Variants in KCNQ3 observed in about 807,000 individuals in gnomAD.
KCNQ3 encodes the protein potassium voltage-gated channel subfamily Q member 3.
A neutral mutation model predicts 92.5 loss-of-function variants in KCNQ3; 30 were observed. That is an observed-to-expected ratio of 0.32 (90% CI 0.24 to 0.44). The LOEUF is 0.44. Among genes scored for constraint, KCNQ3 ranks in the 20% least tolerant of loss-of-function variants. The pLI is 1.00. For synonymous variants in KCNQ3, 450 were observed against 468.8 expected (o/e 0.96, Z 0.52); for missense variants, 913 against 1,140.3 (o/e 0.80, Z 2.87).
chr8:132,129,412 C>T lies in KCNQ3; in HGVS notation c.2469G>A (p.Gly823=). ...ACCGCTTCTCCCTCATCCAGCTCGACCCCCCATTGGGGCCGAACACATAAT... is the reference window on the plus strand; with the variant it reads ...ACCGCTTCTCCCTCATCCAGCTCGATCCCCCATTGGGGCCGAACACATAAT... The part of the protein sequence containing the change: ...RDDYVFGPNG[G]SSWMREKRYL... Residue 823 remains glycine (G), a synonymous_variant, in exon 15 of 15, where the codon GGG becomes GGA. Coordinates refer to ENST00000388996, the MANE Select transcript of KCNQ3 (RefSeq NM_004519.4). The surrounding 1 kb of genome is among the most constrained non-coding windows in gnomAD (Gnocchi z 5.9). 2 of 1,614,180 alleles carry T rather than the reference C, an allele frequency of 1.2e-6. No homozygotes were observed. The highest frequency in any genetic ancestry group is 1.1e-5 in the South Asian group (1 of 91,086).
intron 1 of KCNQ3, among the ~76,000 whole-genome samples, chr8:132,433,553 C>T (rs2130827117): frequency 6.6e-6 from 1 of 152,276 alleles, no homozygotes; most frequent in East Asian, 1.9e-4. Flanking sequence ...TGAGAGTGTA[C>T]TGAATTGATG....
chr8:132,367,468 G>A (rs540667414), intron 1 of KCNQ3, among the ~76,000 whole-genome samples: 7 of 152,238 alleles, frequency 4.6e-5, no homozygotes, highest in Admixed American at 1.3e-4. Flanking sequence ...AATAAGAGGC[G>A]GGCTTTGCTT....
chr8:132,410,777 A>G (rs750410221), intron 1 of KCNQ3, among the ~76,000 whole-genome samples: 2 of 152,182 alleles, frequency 1.3e-5, no homozygotes, highest in Non-Finnish European at 2.9e-5. Context: ...TTACACGATA[A>G]CTCTGGAGAG....
At chr8:132,347,642 A>G (rs1244441839) in intron 1 of KCNQ3, among the ~76,000 whole-genome samples, 3 of 152,230 alleles carry the variant, frequency 2.0e-5, no homozygotes, top group African/African-American at 7.2e-5. Flanking sequence ...ACTACTCTTT[A>G]AACTGAGATA....
intron 1 of KCNQ3, among the ~76,000 whole-genome samples, chr8:132,402,322 C>A (rs1432551885): frequency 6.6e-6 from 1 of 152,180 alleles, no homozygotes; most frequent in East Asian, 1.9e-4. Context: ...TGTCTGGTGG[C>A]AAAGAACTTG....
At chr8:132,178,441 A>G (rs1826640887) in intron 4 of KCNQ3, among the ~76,000 whole-genome samples, 1 of 152,216 alleles carries the variant, frequency 6.6e-6, no homozygotes, top group African/African-American at 2.4e-5. Context: ...TATGTGAGGA[A>G]CAGCATATTC....
intron 1 of KCNQ3, among the ~76,000 whole-genome samples, chr8:132,291,723 G>C (rs1224272897): frequency 6.6e-6 from 1 of 152,132 alleles, no homozygotes; most frequent in Non-Finnish European, 1.5e-5. Flanking sequence ...TGAGACCCCA[G>C]AGCCAAGGCC....
chr8:132,285,787 A>G (rs1232819408), intron 1 of KCNQ3, among the ~76,000 whole-genome samples: 1 of 152,210 alleles, frequency 6.6e-6, no homozygotes, highest in Non-Finnish European at 1.5e-5. Context: ...TCACATGCCC[A>G]GAAGCCTAAG....
intron 1 of KCNQ3, among the ~76,000 whole-genome samples, chr8:132,262,135 T>A (rs904325844): frequency 6.6e-6 from 1 of 152,204 alleles, no homozygotes; most frequent in Admixed American, 6.5e-5. Context: ...TATTGTACCA[T>A]ATGATATGAT....
chr8:132,138,114 C>T, intron 11 of KCNQ3, 98 bp from the exon 12 acceptor site: 1 of 1,421,994 alleles, frequency 7.0e-7, no homozygotes, highest in Non-Finnish European at 9.8e-7. Flanking sequence ...GAGAAAAGAA[C>T]CAAAGATAAA....
chr8:132,441,554 C>CA (rs1008250578), intron 1 of KCNQ3, among the ~76,000 whole-genome samples: 1 of 148,950 alleles, frequency 6.7e-6, no homozygotes, highest in Non-Finnish European at 1.5e-5. Context: ...ACTCTGGCTC[C>CA]AAAAAAACAA....
chr8:132,218,999 T>C (rs993035198), intron 1 of KCNQ3, among the ~76,000 whole-genome samples: 2 of 152,158 alleles, frequency 1.3e-5, no homozygotes, highest in Admixed American at 1.3e-4. Flanking sequence ...ACTCTACTCA[T>C]AGCATCTCTG....
chr8:132,199,964 A>G (rs976134921), intron 1 of KCNQ3, among the ~76,000 whole-genome samples: 1 of 152,036 alleles, frequency 6.6e-6, no homozygotes, highest in Non-Finnish European at 1.5e-5. Context: ...ATTCTAGTAC[A>G]TAGTGGGCAC....
chr8:132,450,009 G>A (rs1214597023), intron 1 of KCNQ3, among the ~76,000 whole-genome samples: 1 of 152,150 alleles, frequency 6.6e-6, no homozygotes, highest in East Asian at 1.9e-4. Context: ...TAAGAATGAA[G>A]CCGTGGACCT....
chr8:132,420,772 G>A (rs529414175), intron 1 of KCNQ3, among the ~76,000 whole-genome samples: 1 of 152,322 alleles, frequency 6.6e-6, no homozygotes, highest in East Asian at 1.9e-4. Context: ...CTTTCCATGT[G>A]TTTTGCATTT....
intron 1 of KCNQ3, among the ~76,000 whole-genome samples, chr8:132,273,132 G>A (rs1816211012): frequency 6.6e-6 from 1 of 152,148 alleles, no homozygotes; most frequent in Non-Finnish European, 1.5e-5. Flanking sequence ...TGGGGGCTCT[G>A]ACCCCATATT....
intron 1 of KCNQ3, chr8:132,278,177 T>C: frequency 1.3e-5 from 13 of 985,296 alleles, no homozygotes; most frequent in Non-Finnish European, 1.6e-5. Context: ...CCCAGAGATG[T>C]CATGTAAATT....
chr8:132,132,378 T>C (rs980267068), intron 13 of KCNQ3, 114 bp from the exon 14 acceptor site: 2 of 809,742 alleles, frequency 2.5e-6, no homozygotes, highest in Non-Finnish European at 4.2e-6. Context: ...CTCACACTTG[T>C]GTGGCATAAA....
intron 1 of KCNQ3, among the ~76,000 whole-genome samples, chr8:132,300,736 A>T (rs1222358412): frequency 6.6e-6 from 1 of 152,146 alleles, no homozygotes; most frequent in Non-Finnish European, 1.5e-5. Context: ...GATGTTTTAA[A>T]CTGTATCTCA....
Sources: allele counts gnomAD v4.1 joint callset (sites outside exome capture counted in the v4.1 genomes callset), GRCh38; gene constraint gnomAD v4.1.1; non-coding constraint Gnocchi (gnomAD v3.1); transcripts MANE v1.5; gene names NCBI Gene and HGNC (gene_info 2026-07-23, HGNC 2026-07-21).